Variants in TBX15 observed in about 807,000 individuals in gnomAD.
TBX15 encodes T-box transcription factor 15.
TBX15 carries 18 observed loss-of-function variants against 53.9 expected under a neutral mutation model. That is an observed-to-expected ratio of 0.33 (90% confidence interval 0.23 to 0.49). The LOEUF (loss-of-function observed/expected upper bound fraction) is 0.49, where lower values mean the gene tolerates loss of function less well. Ranked by LOEUF, TBX15 falls within the 20% of genes least tolerant of loss-of-function variation. The pLI is 0.98. For synonymous variants in TBX15, 295 were observed against 278.0 expected (o/e 1.06, Z -0.61); for missense variants, 692 against 749.5 (o/e 0.92, Z 0.90).
intron 6 of TBX15, among the ~76,000 whole-genome samples, chr1:118,899,501 C>T (rs746374843): frequency 1.6e-4 from 25 of 152,236 alleles, no homozygotes; most frequent in Middle Eastern, 3.4e-3. Context: ...AGAACAATGT[C>T]GTCATCATTA....
chr1:118,958,851 G>C (rs1280205697), intron 1 of TBX15, among the ~76,000 whole-genome samples: 1 of 152,148 alleles, frequency 6.6e-6, no homozygotes, highest in Non-Finnish European at 1.5e-5. Context: ...TTAAACAGCT[G>C]TTTCACCCTA....
intron 5 of TBX15, among the ~76,000 whole-genome samples, chr1:118,917,695 T>C (rs1408839470): frequency 6.6e-6 from 1 of 152,202 alleles, no homozygotes; most frequent in Non-Finnish European, 1.5e-5. Context: ...ACTGAACTAT[T>C]CTATGTAGCC....
intron 6 of TBX15, among the ~76,000 whole-genome samples, chr1:118,912,010 G>A (rs182688331): frequency 6.6e-6 from 1 of 152,138 alleles, no homozygotes; most frequent in Non-Finnish European, 1.5e-5. Context: ...ACAATAAATG[G>A]TTAAAGTATG....
At chr1:118,939,124 A>G (rs1309038420) in intron 1 of TBX15, among the ~76,000 whole-genome samples, 1 of 152,104 alleles carries the variant, frequency 6.6e-6, no homozygotes, top group African/African-American at 2.4e-5. Flanking sequence ...ACGCAGGAGC[A>G]GGCCAGGCCT....
At position 118,919,100 on chromosome 1, in the gene TBX15, T is replaced by A. The variant is rs145155794; in HGVS notation, c.861+4336A>T. Among the ~76,000 whole-genome samples the A allele has an allele frequency of 8.2e-3, 1,251 of 152,272 alleles. 24 individuals are homozygous for A. Among genetic ancestry groups the A allele is most frequent in the African/African-American group, 0.029 (1,187 of 41,560 alleles). On this transcript the variant is annotated intron_variant, in intron 5 of 7. Transcript: ENST00000369429. ...ACAAACCTGGCTGTGGTTTCCAACT[T>A]CCTATCTGGTTCATGTAGCCAATTC...
At chr1:118,955,058 T>G (rs918938168) in intron 1 of TBX15, among the ~76,000 whole-genome samples, 3 of 152,186 alleles carry the variant, frequency 2.0e-5, no homozygotes, top group Non-Finnish European at 4.4e-5. Flanking sequence ...ATGGGTGGCA[T>G]AGGAGTCACC....
intron 1 of TBX15, among the ~76,000 whole-genome samples, chr1:118,957,172 T>C (rs560776491): frequency 1.3e-5 from 2 of 152,330 alleles, no homozygotes; most frequent in East Asian, 3.9e-4. Flanking sequence ...TTCAAACTAT[T>C]GTTGAACAAT....
chr1:118,938,396 C>A lies in TBX15; in HGVS notation c.206-6564G>T, dbSNP rs151016417. On this transcript the variant is annotated intron_variant, in intron 1 of 7. Coordinates refer to ENST00000369429, the MANE Select transcript of TBX15 (RefSeq NM_001330677.2). ...TCTCCACTTAACAAGCAGCACCTCT[C>A]TCAGCGATACATAGAACCACAGCAA... Among the ~76,000 whole-genome samples the A allele has an allele frequency of 2.6e-5, 4 of 152,296 alleles. No individual in the cohort carries two copies. The East Asian group carries it at 7.7e-4, about 29-fold the overall frequency.
intron 7 of TBX15, among the ~76,000 whole-genome samples, chr1:118,888,279 CCAGTGGGCCT>C (rs1654018430): frequency 6.6e-6 from 1 of 152,146 alleles, no homozygotes; most frequent in Admixed American, 6.5e-5. Context: ...GGGGCTTGAA[CCAGTGGGCCT>C]CAGTTTCTGT....
At chr1:118,894,628 G>A (rs1405269928) in intron 7 of TBX15, among the ~76,000 whole-genome samples, 2 of 152,098 alleles carry the variant, frequency 1.3e-5, no homozygotes, top group Non-Finnish European at 2.9e-5. Flanking sequence ...GGTTAGAGAT[G>A]TGGACAGATT....
chr1:118,947,252 A>G (rs1656377451), intron 1 of TBX15, among the ~76,000 whole-genome samples: 1 of 152,230 alleles, frequency 6.6e-6, no homozygotes, highest in Admixed American at 6.5e-5. Context: ...TGGTGAGCTC[A>G]GTTTGTCTGC....
chr1:118,911,531 G>T (rs904335888), intron 6 of TBX15, among the ~76,000 whole-genome samples: 1 of 152,152 alleles, frequency 6.6e-6, no homozygotes, highest in African/African-American at 2.4e-5. Flanking sequence ...CTCAGCACTT[G>T]AACTGAGATG....
At chr1:118,902,326 G>A (rs934221888) in intron 6 of TBX15, among the ~76,000 whole-genome samples, 3 of 152,086 alleles carry the variant, frequency 2.0e-5, no homozygotes, top group East Asian at 3.9e-4. Flanking sequence ...GTAGTGCCAT[G>A]GCAAGATTAA....
intron 1 of TBX15, among the ~76,000 whole-genome samples, chr1:118,943,209 G>A (rs1202241028): frequency 6.6e-6 from 1 of 152,154 alleles, no homozygotes; most frequent in Non-Finnish European, 1.5e-5. Flanking sequence ...TCTTTTCTCA[G>A]TCACTTCCCT....
rs1257848993 is a variant in TBX15, at chr1:118,883,535, C to G, written c.*1197G>C. ...CGGGCAGGCATTCTAGGTCAGGTGT[C>G]TGGATCCGGCACCTGGAGGCCAGGC... On this transcript the variant is annotated 3_prime_UTR_variant, in exon 8 of 8. Transcript: ENST00000369429. The G allele has an allele frequency of 3.3e-5, 5 of 152,334 alleles. No individual in the cohort carries two copies. The highest frequency in any genetic ancestry group is 1.2e-4 in the African/African-American group (5 of 41,588). 9.4% of individuals were successfully genotyped at this position (152,334 alleles called of 1,614,324 possible).
At chr1:118,943,009 C>A (rs982078911) in intron 1 of TBX15, among the ~76,000 whole-genome samples, 1 of 152,256 alleles carries the variant, frequency 6.6e-6, no homozygotes, top group Admixed American at 6.5e-5. Context: ...AGATTACAAA[C>A]CTCCTTTAGA....
chr1:118,895,354 C>T (rs892271424), intron 7 of TBX15, among the ~76,000 whole-genome samples: 1 of 152,120 alleles, frequency 6.6e-6, no homozygotes, highest in African/African-American at 2.4e-5. Context: ...AGAATGATTC[C>T]TTTTAGAACA....
chr1:118,922,120 G>A (rs1224328642), intron 5 of TBX15, among the ~76,000 whole-genome samples: 1 of 152,178 alleles, frequency 6.6e-6, no homozygotes, highest in African/African-American at 2.4e-5. Flanking sequence ...AAGCATGCTT[G>A]TTGATTTATC....
chr1:118,932,423 T>C (rs1449846556), intron 1 of TBX15, among the ~76,000 whole-genome samples: 1 of 152,160 alleles, frequency 6.6e-6, no homozygotes, highest in Non-Finnish European at 1.5e-5. Context: ...TTTGAGTAAA[T>C]GGTTTTTCCT....
Sources: allele counts gnomAD v4.1 joint callset (sites outside exome capture counted in the v4.1 genomes callset), GRCh38; gene constraint gnomAD v4.1.1; transcripts MANE v1.5; gene names NCBI Gene and HGNC (gene_info 2026-07-23, HGNC 2026-07-21).